Variants in ADAMTS18 observed in about 807,000 individuals in gnomAD.
The protein encoded by ADAMTS18 is A disintegrin and metalloproteinase with thrombospondin motifs 18.
A neutral mutation model predicts 165.9 loss-of-function variants in ADAMTS18; 157 were observed. The observed-to-expected ratio is 0.95, with a 90% CI of 0.83 to 1.08. ADAMTS18 has a LOEUF of 1.08. ADAMTS18 is among the 50% of genes least tolerant of loss of function. The pLI, the probability that ADAMTS18 is intolerant of heterozygous loss-of-function variation, is 0.00. For missense variants in ADAMTS18, 2,040 were observed against 1,534.0 expected (o/e 1.33, Z -5.51); for synonymous variants, 782 against 578.2 (o/e 1.35, Z -5.06).
At chr16:77,294,294 G>A (rs2055423662) in intron 19 of ADAMTS18, among the ~76,000 whole-genome samples, 1 of 152,106 alleles carries the variant, frequency 6.6e-6, no homozygotes, top group Non-Finnish European at 1.5e-5. Context: ...GGCCTGGGCT[G>A]TGTAGGACAT....
At position 77,364,321 on chromosome 16, in the gene ADAMTS18, C is replaced by G. The variant is rs1171127040; in HGVS notation, c.839G>C (p.Gly280Ala). 1 of 1,613,700 alleles carries G rather than the reference C, an allele frequency of 6.2e-7. No individual in the cohort carries two copies. Among genetic ancestry groups the G allele is most frequent in the East Asian group, 2.2e-5 (1 of 44,862 alleles). The change falls in exon 5 of 23, where the codon GGG becomes GCG. Residue 280 changes from glycine to alanine, a missense_variant. Physicochemically the swap from Gly to Ala is moderately conservative, Grantham distance 60. Coordinates refer to ENST00000282849, the MANE Select transcript of ADAMTS18 (RefSeq NM_199355.4). ...YLRFDEYGSS[G>A]RPRRSAGKSQ... ...TTTTCCAGCTGATCTTCTGGGTCGC[C>G]CAGAGCTCCCATATTCATCAAACCT...
At chr16:77,296,811 C>A (rs1244036752) in intron 18 of ADAMTS18, among the ~76,000 whole-genome samples, 1 of 152,106 alleles carries the variant, frequency 6.6e-6, no homozygotes, top group African/African-American at 2.4e-5. Flanking sequence ...CAGAGTGAGA[C>A]TCCTTGTTCC....
intron 10 of ADAMTS18, among the ~76,000 whole-genome samples, chr16:77,346,743 A>T (rs1003995289): frequency 1.3e-5 from 2 of 152,230 alleles, no homozygotes; most frequent in Non-Finnish European, 2.9e-5. Flanking sequence ...GCAATAATTT[A>T]AAAGTAACAA....
chr16:77,431,231 T>C, intron 3 of ADAMTS18, 64 bp downstream of exon 3: 8 of 1,561,498 alleles, frequency 5.1e-6, no homozygotes, highest in Non-Finnish European at 7.1e-6. Context: ...ATTGCAGACA[T>C]CTGTTCATTC....
intron 3 of ADAMTS18, among the ~76,000 whole-genome samples, chr16:77,403,225 G>T (rs968768672): frequency 6.6e-6 from 1 of 152,144 alleles, no homozygotes; most frequent in South Asian, 2.1e-4. Context: ...TTAAGAAAGT[G>T]TTAGTACCAT....
At chr16:77,376,038 G>T (rs1041415221) in intron 3 of ADAMTS18, among the ~76,000 whole-genome samples, 1 of 151,842 alleles carries the variant, frequency 6.6e-6, no homozygotes, top group Non-Finnish European at 1.5e-5. Flanking sequence ...TGAGTAGCTG[G>T]GATTACAGGC....
intron 8 of ADAMTS18, among the ~76,000 whole-genome samples, chr16:77,357,690 A>G (rs990957719): frequency 6.6e-6 from 1 of 152,222 alleles, no homozygotes; most frequent in African/African-American, 2.4e-5. Context: ...TGAACTTAAC[A>G]ATCTTAAATT....
chr16:77,318,460 C>G (rs183573630), intron 16 of ADAMTS18, among the ~76,000 whole-genome samples: 254 of 152,292 alleles, frequency 1.7e-3, no homozygotes, highest in Middle Eastern at 3.4e-3. Flanking sequence ...GTTTAAGGCT[C>G]GGTTTTCTCA....
Position 77,283,846 on chromosome 16 carries a change from C to T in ADAMTS18, c.*110G>A, listed in dbSNP as rs1230603022. On this transcript the variant is annotated 3_prime_UTR_variant, in exon 23 of 23. Transcript: ENST00000282849. Reference sequence around the variant, plus strand: ...AGAGCAGGCTCCTTCATCACAGCGGCAGCTCACAGATGGTTCTCGGTGCTC... The same window carrying T: ...AGAGCAGGCTCCTTCATCACAGCGGTAGCTCACAGATGGTTCTCGGTGCTC... 10 of 829,426 alleles carry T rather than the reference C, an allele frequency of 1.2e-5. No individual in the cohort carries two copies. Among genetic ancestry groups the T allele is most frequent in the East Asian group, 2.6e-5 (1 of 39,134 alleles). The allele number at this position is 829,426 out of a possible 1,614,324, so 51.4% of individuals were successfully genotyped here. A position where few individuals can be genotyped will look rare whatever the true frequency, so the allele number is the denominator to read the frequency against.
At chr16:77,380,420 A>G (rs1283749699) in intron 3 of ADAMTS18, among the ~76,000 whole-genome samples, 2 of 152,234 alleles carry the variant, frequency 1.3e-5, no homozygotes, top group Admixed American at 6.5e-5. Context: ...TGAGACCAGA[A>G]TACAGCGTCA....
At chr16:77,303,559 A>G (rs79029880) in intron 16 of ADAMTS18, among the ~76,000 whole-genome samples, 2,996 of 151,474 alleles carry the variant, frequency 0.02, 100 homozygotes, top group African/African-American at 0.069. Flanking sequence ...ATATCTTACC[A>G]CCTCATATGT....
intron 16 of ADAMTS18, among the ~76,000 whole-genome samples, chr16:77,309,008 T>C (rs943533886): frequency 6.6e-6 from 1 of 152,212 alleles, no homozygotes; most frequent in Non-Finnish European, 1.5e-5. Context: ...AAATAAAAGC[T>C]ACCTTTTAAA....
chr16:77,295,984 C>G (rs981151357), intron 18 of ADAMTS18, among the ~76,000 whole-genome samples: 1 of 149,072 alleles, frequency 6.7e-6, no homozygotes, highest in Non-Finnish European at 1.5e-5. Flanking sequence ...GACAAATGCA[C>G]TATTATTTAC....
chr16:77,315,395 C>A (rs1597112017), intron 16 of ADAMTS18, among the ~76,000 whole-genome samples: 1 of 152,072 alleles, frequency 6.6e-6, no homozygotes, highest in East Asian at 1.9e-4. Flanking sequence ...TTTTAAATAC[C>A]TTAAAATCTG....
intron 3 of ADAMTS18, among the ~76,000 whole-genome samples, chr16:77,398,768 C>G (rs369295177): frequency 6.6e-6 from 1 of 152,028 alleles, no homozygotes; most frequent in Admixed American, 6.6e-5. Flanking sequence ...CTGAATACCC[C>G]CTGGGGTACA....
At chr16:77,389,686 G>C (rs1218737261) in intron 3 of ADAMTS18, among the ~76,000 whole-genome samples, 1 of 152,170 alleles carries the variant, frequency 6.6e-6, no homozygotes, top group Admixed American at 6.5e-5. Context: ...TCTTAGAAGA[G>C]GTGAATCTTT....
At chr16:77,383,579 T>C (rs576980715) in intron 3 of ADAMTS18, among the ~76,000 whole-genome samples, 1 of 152,236 alleles carries the variant, frequency 6.6e-6, no homozygotes, top group East Asian at 1.9e-4. Flanking sequence ...AGTCTCCCTC[T>C]GTCACCCAGG....
intron 16 of ADAMTS18, 87 bp from the exon 17 acceptor site, chr16:77,300,491 T>G: frequency 6.8e-7 from 1 of 1,468,828 alleles, no homozygotes; most frequent in Non-Finnish European, 9.5e-7. Context: ...TTAAAGATAT[T>G]TACATGACAT....
At chr16:77,347,980 C>A (rs1277741586) in intron 10 of ADAMTS18, among the ~76,000 whole-genome samples, 2 of 152,040 alleles carry the variant, frequency 1.3e-5, no homozygotes, top group African/African-American at 2.4e-5. Flanking sequence ...GCTTAAAGTA[C>A]TATCTGATAC....
Sources: gnomAD v4.1 joint callset for allele counts (sites outside exome capture counted in the v4.1 genomes callset) on GRCh38, gnomAD v4.1.1 for gene constraint, MANE v1.5 for transcripts, NCBI Gene and HGNC (gene_info 2026-07-23, HGNC 2026-07-21) for gene names.